SP100: variants seen among roughly 807,000 people sequenced by gnomAD.
The protein encoded by SP100 is nuclear autoantigen Sp-100.
Under a neutral mutation model 130.0 loss-of-function variants are expected in SP100, and 84 were observed. The ratio of observed to expected loss-of-function variants is 0.65; its 90% CI spans 0.54 to 0.77. SP100 has a LOEUF of 0.77. Ranked by LOEUF, SP100 falls within the 30% of genes least tolerant of loss-of-function variation. The pLI, the probability that SP100 is intolerant of heterozygous loss-of-function variation, is 0.00. For synonymous variants in SP100, 331 were observed against 351.7 expected, an observed-to-expected ratio of 0.94 and a Z score of 0.66; for missense variants, 978 against 1,052.2, an observed-to-expected ratio of 0.93 and a Z score of 0.97.
intron 24 of SP100, chr2:230,514,924 A>T (rs1190001631): frequency 9.3e-7 from 1 of 1,072,940 alleles, no homozygotes; most frequent in Non-Finnish European, 1.3e-6. Flanking sequence ...CCTACAAGAG[A>T]TTGCAGTACA....
At chr2:230,535,413 G>T (rs889098094) in intron 24 of SP100, among the ~76,000 whole-genome samples, 2 of 152,116 alleles carry the variant, frequency 1.3e-5, no homozygotes, top group Non-Finnish European at 2.9e-5. Context: ...TGCCTACACT[G>T]AACAAATGGA....
chr2:230,439,998 C>T (rs56102622), intron 2 of SP100, among the ~76,000 whole-genome samples: 1 of 151,736 alleles, frequency 6.6e-6, no homozygotes, highest in Non-Finnish European at 1.5e-5. Flanking sequence ...CAAATCTTTT[C>T]GAAAGGAAAG....
In SP100 at chr2:230,542,026, A is replaced by G. The variant is rs777647765; in HGVS notation, c.2538A>G (p.Glu846=). 6 of 1,613,856 alleles carry G rather than the reference A, an allele frequency of 3.7e-6. No individual in the cohort carries two copies. The Admixed American group carries it at 8.3e-5, about 22-fold the overall frequency. Residue 846 remains glutamate (E), a synonymous_variant, in exon 28 of 29, where the codon GAA becomes GAG. Transcript: ENST00000340126. ...DMRLIFHNHK[E]FYREDKFTRL... ...GTCTCATCTTTCATAACCACAAGGA[A>G]TTTTACAGGGTGAGTGGCTCTCCCT...
chr2:230,544,414 T>A lies in SP100; in HGVS notation c.*1468T>A, dbSNP rs1039855223. ...ATCTGACAAAGGTCTAATAGCCAGC[T>A]TCTATAGGGAACTTAAACAAATTTA... On this transcript the variant is annotated 3_prime_UTR_variant, in exon 29 of 29. Coordinates refer to ENST00000340126, the MANE Select transcript of SP100 (RefSeq NM_001080391.2). 2.0e-5 allele frequency among the ~76,000 whole-genome samples: 3 copies of A among 152,110 alleles called. No homozygotes were observed. Among genetic ancestry groups the A allele is most frequent in the Admixed American group, 1.3e-4 (2 of 15,278 alleles).
chr2:230,517,482 C>T (rs778719679), intron 24 of SP100, among the ~76,000 whole-genome samples: 3 of 152,040 alleles, frequency 2.0e-5, no homozygotes, highest in Non-Finnish European at 2.9e-5. Context: ...AAGTTTTGGG[C>T]CAGGCGCCAT....
intron 20 of SP100, 63 bp downstream of exon 20, chr2:230,503,173 G>C: frequency 8.2e-7 from 1 of 1,220,460 alleles, no homozygotes; most frequent in Non-Finnish European, 1.2e-6. Context: ...ATTCTGTACT[G>C]TGAGTAACAA....
intron 24 of SP100, among the ~76,000 whole-genome samples, chr2:230,532,844 G>A (rs939290107): frequency 6.6e-5 from 10 of 151,998 alleles, no homozygotes; most frequent in South Asian, 2.1e-4. Flanking sequence ...GCAGTGTCGC[G>A]ATCTTGGCTT....
intron 14 of SP100, chr2:230,469,529 G>T (rs2065158149): frequency 4.4e-6 from 2 of 459,184 alleles, no homozygotes; most frequent in Admixed American, 4.9e-5. Context: ...AGAAAAGATT[G>T]AACATTATGT....
rs193149036 is a variant in SP100 at position 230,507,799 on chromosome 2, G to T, written c.2014-194G>T. 2.0e-5 allele frequency among the ~76,000 whole-genome samples: 3 copies of T among 152,298 alleles called. No individual in the cohort carries two copies. In the East Asian group the frequency reaches 5.8e-4, roughly 29 times the overall value. On this transcript the variant is annotated intron_variant, in intron 22 of 28. Transcript: ENST00000340126. ...TCTCTGGACTGATTATAGAAGTCAT[G>T]AGGCCAGAGGAAGGCATTGAAATGC...
chr2:230,535,906 C>CAAAAAAAAA (rs34684038), intron 24 of SP100, among the ~76,000 whole-genome samples: 16 of 47,596 alleles, frequency 3.4e-4, no homozygotes, highest in African/African-American at 1.7e-3. Flanking sequence ...GACTCCATCT[C>CAAAAAAAAA]AAAAAAAAAA....
chr2:230,452,056 A>T (rs1427165114), intron 8 of SP100, among the ~76,000 whole-genome samples: 3 of 152,200 alleles, frequency 2.0e-5, no homozygotes, highest in Non-Finnish European at 4.4e-5. Flanking sequence ...TATATATTGA[A>T]TCAGGTAGTG....
chr2:230,516,030 A>T, intron 24 of SP100: 3 of 995,062 alleles, frequency 3.0e-6, no homozygotes, highest in Non-Finnish European at 3.6e-6. Flanking sequence ...CAAAAAAAAA[A>T]AACAGTTGCA....
chr2:230,520,713 G>A (rs1691133637), intron 24 of SP100: 1 of 152,190 alleles, frequency 6.6e-6, no homozygotes, highest in Admixed American at 6.5e-5. Flanking sequence ...TTTATTGAAA[G>A]CCAAATGTGA....
At chr2:230,538,080 C>G (rs1692016209) in intron 24 of SP100, 1 of 152,206 alleles carries the variant, frequency 6.6e-6, no homozygotes, top group Admixed American at 6.5e-5. Context: ...TTAAGACATA[C>G]TGATGCCTAT....
chr2:230,541,342 A>C lies in SP100; in HGVS notation c.2373A>C (p.Lys791Asn), dbSNP rs1242815414. The change falls in exon 27 of 29, where the codon AAA becomes AAC. Residue 791 changes from lysine to asparagine, a missense_variant. Coordinates refer to ENST00000340126, the MANE Select transcript of SP100 (RefSeq NM_001080391.2). ...FLLLKVYCDS[K>N]SCFFASEPYY... ...TCTTGAAGGTCTACTGTGATTCGAA[A>C]AGCTGCTTTTTCGCCTCAGAACCGT... The C allele has an allele frequency of 6.2e-7, 1 of 1,614,024 alleles. No homozygotes were observed. The highest frequency in any genetic ancestry group is 1.3e-5 in the African/African-American group (1 of 74,938).
chr2:230,489,676 C>T (rs2066293330), intron 17 of SP100, among the ~76,000 whole-genome samples: 1 of 152,164 alleles, frequency 6.6e-6, no homozygotes. Context: ...CCTCTTAATA[C>T]TGCTTTAGCT....
chr2:230,416,472 G>A, intron 1 of SP100, 144 bp downstream of exon 1: 1 of 751,304 alleles, frequency 1.3e-6, no homozygotes, highest in Non-Finnish European at 2.1e-6. Context: ...TGAAATGAAA[G>A]ACAAGTAATG....
intron 11 of SP100, among the ~76,000 whole-genome samples, chr2:230,465,091 C>G (rs560498180): frequency 2.6e-4 from 40 of 152,288 alleles, no homozygotes; most frequent in African/African-American, 8.4e-4. Context: ...CAAAAATTAG[C>G]CAGGCATGGT....
chr2:230,442,618 T>A (rs2063514577), intron 2 of SP100, among the ~76,000 whole-genome samples: 1 of 152,238 alleles, frequency 6.6e-6, no homozygotes, highest in African/African-American at 2.4e-5. Flanking sequence ...ACCTGTTTAT[T>A]CCACCTAGAT....
Sources: allele counts gnomAD v4.1 joint callset (sites outside exome capture counted in the v4.1 genomes callset), GRCh38; gene constraint gnomAD v4.1.1; transcripts MANE v1.5; gene names NCBI Gene and HGNC (gene_info 2026-07-23, HGNC 2026-07-21).